The following GPC6 variants were observed in gnomAD, a reference collection of about 807,000 sequenced individuals.
GPC6 encodes the protein glypican 6, also known as glypican-6.
In GPC6, 14 loss-of-function variants were observed where a neutral mutation model predicts 55.2. The observed-to-expected ratio is 0.25, with a 90% confidence interval of 0.17 to 0.40. The LOEUF (loss-of-function observed/expected upper bound fraction) is 0.40. GPC6 is among the 10% of genes least tolerant of loss of function. The pLI, the probability that GPC6 is intolerant of heterozygous loss-of-function variation, is 1.00. For synonymous variants in GPC6, 278 were observed against 259.6 expected (o/e 1.07, Z -0.68); for missense variants, 641 against 708.5 (o/e 0.90, Z 1.08).
chr13:94,255,971 A>C (rs1891489689), intron 4 of GPC6, among the ~76,000 whole-genome samples: 1 of 152,146 alleles, frequency 6.6e-6, no homozygotes, highest in Admixed American at 6.5e-5. Flanking sequence ...GCAGAATCAC[A>C]GGTCCCATCG....
intron 1 of GPC6, among the ~76,000 whole-genome samples, chr13:93,267,935 T>A (rs190893118): frequency 3.3e-5 from 5 of 152,198 alleles, no homozygotes; most frequent in Admixed American, 6.5e-5. Flanking sequence ...TAGAGATATA[T>A]GTTGCTGAGC....
chr13:94,058,351 T>C (rs1051995575), intron 4 of GPC6, among the ~76,000 whole-genome samples: 1 of 152,210 alleles, frequency 6.6e-6, no homozygotes, highest in Non-Finnish European at 1.5e-5. Flanking sequence ...ACCTTTCAAT[T>C]GCTTATTTGC....
intron 1 of GPC6, among the ~76,000 whole-genome samples, chr13:93,489,190 G>T (rs886950373): frequency 1.3e-5 from 2 of 151,426 alleles, no homozygotes. Flanking sequence ...TCTACATATG[G>T]CTAGCCAGTT....
At chr13:93,983,683 G>C (rs1053125529) in intron 3 of GPC6, among the ~76,000 whole-genome samples, 22 of 151,832 alleles carry the variant, frequency 1.4e-4, no homozygotes, top group Non-Finnish European at 1.5e-5. Context: ...CAAGAAAAAG[G>C]AGAGATAGAC....
chr13:93,966,270 A>G (rs1880038542), intron 3 of GPC6, among the ~76,000 whole-genome samples: 1 of 152,220 alleles, frequency 6.6e-6, no homozygotes, highest in South Asian at 2.1e-4. Flanking sequence ...ATTGTGCAGC[A>G]AGCCAGTGAC....
intron 4 of GPC6, among the ~76,000 whole-genome samples, chr13:94,069,527 T>A (rs928917351): frequency 2.0e-5 from 3 of 152,222 alleles, no homozygotes; most frequent in Non-Finnish European, 4.4e-5. Context: ...GATTTTCTTT[T>A]TTAGCACATT....
chr13:93,844,259 C>T (rs1888078866), intron 3 of GPC6, among the ~76,000 whole-genome samples: 1 of 152,130 alleles, frequency 6.6e-6, no homozygotes, highest in Admixed American at 6.6e-5. Flanking sequence ...CTGCCTTAGC[C>T]TCCTGAGTAG....
intron 3 of GPC6, among the ~76,000 whole-genome samples, chr13:94,013,926 G>T (rs959434719): frequency 1.3e-5 from 2 of 152,216 alleles, no homozygotes; most frequent in African/African-American, 4.8e-5. Context: ...TTTATGGCTT[G>T]CAAATGCTTC....
At chr13:94,362,789 C>T (rs577849354) in intron 6 of GPC6, among the ~76,000 whole-genome samples, 1 of 152,140 alleles carries the variant, frequency 6.6e-6, no homozygotes, top group African/African-American at 2.4e-5. Flanking sequence ...AAACTCTGCT[C>T]TTTGGTAATC....
At chr13:93,878,220 C>T (rs1594548635) in intron 3 of GPC6, among the ~76,000 whole-genome samples, 1 of 151,916 alleles carries the variant, frequency 6.6e-6, no homozygotes, top group African/African-American at 2.4e-5. Context: ...AAACTTAACC[C>T]CAAGTACAAT....
chr13:93,775,619 C>G (rs1252267568), intron 2 of GPC6, among the ~76,000 whole-genome samples: 1 of 152,182 alleles, frequency 6.6e-6, no homozygotes, highest in East Asian at 1.9e-4. Flanking sequence ...ACTTTGCAGT[C>G]TGTTAGCTAC....
chr13:94,075,916 C>G (rs1400267963), intron 4 of GPC6, among the ~76,000 whole-genome samples: 1 of 152,032 alleles, frequency 6.6e-6, no homozygotes, highest in Non-Finnish European at 1.5e-5. Context: ...TGCTATAATA[C>G]ACATGAGAAT....
At chr13:93,519,738 G>T (rs2813603) in intron 1 of GPC6, among the ~76,000 whole-genome samples, 143,276 of 151,956 alleles carry the variant, frequency 0.94, 68,107 homozygotes, top group East Asian at 1. Flanking sequence ...AAATAGATGA[G>T]GCTCTTTCAT....
At chr13:94,064,954 T>A (rs1266687323) in intron 4 of GPC6, among the ~76,000 whole-genome samples, 1 of 152,176 alleles carries the variant, frequency 6.6e-6, no homozygotes, top group Non-Finnish European at 1.5e-5. Flanking sequence ...TTACTTCTCA[T>A]TTACCTTGTA....
chr13:94,080,852 G>A (rs563184680), intron 4 of GPC6, among the ~76,000 whole-genome samples: 33 of 152,228 alleles, frequency 2.2e-4, no homozygotes, highest in African/African-American at 7.2e-4. Flanking sequence ...TTGGTGGGTC[G>A]AGCTTCAAGA....
chr13:93,299,414 T>C (rs894878078), intron 1 of GPC6, among the ~76,000 whole-genome samples: 9 of 152,126 alleles, frequency 5.9e-5, no homozygotes, highest in Non-Finnish European at 1.0e-4. Context: ...AACATGAAAA[T>C]GTGGAAGGAA....
intron 6 of GPC6, among the ~76,000 whole-genome samples, chr13:94,325,962 G>C (rs1460143791): frequency 1.3e-5 from 2 of 152,168 alleles, no homozygotes; most frequent in Non-Finnish European, 2.9e-5. Context: ...AAGCCAGTAA[G>C]ATAGCATCCA....
intron 3 of GPC6, among the ~76,000 whole-genome samples, chr13:93,897,549 A>T (rs1876086525): frequency 6.6e-6 from 1 of 152,160 alleles, no homozygotes; most frequent in Non-Finnish European, 1.5e-5. Context: ...TTAATAAATG[A>T]CTTAAAAAAC....
chr13:94,201,672 C>T (rs766977361), intron 4 of GPC6, among the ~76,000 whole-genome samples: 1 of 152,092 alleles, frequency 6.6e-6, no homozygotes, highest in Non-Finnish European at 1.5e-5. Context: ...ACATAGCGGC[C>T]GGGCATGGTG....
Sources: allele counts gnomAD v4.1 joint callset (sites outside exome capture counted in the v4.1 genomes callset), GRCh38; gene constraint gnomAD v4.1.1; transcripts MANE v1.5; gene names NCBI Gene and HGNC (gene_info 2026-07-23, HGNC 2026-07-21).